The following GPNMB variants were observed in gnomAD, a reference collection of about 807,000 sequenced individuals.
GPNMB encodes the protein transmembrane glycoprotein NMB.
In GPNMB, 71 loss-of-function variants were observed where a neutral mutation model predicts 57.3. The observed-to-expected ratio is 1.24, with a 90% CI of 1.02 to 1.51. The LOEUF is 1.51. Among genes scored for constraint, GPNMB ranks in the 40% most tolerant of loss-of-function variants. The probability of loss-of-function intolerance (pLI) is 0.00; values close to 1 mark genes in which losing one functional copy is unlikely to be tolerated. For synonymous variants in GPNMB, 253 were observed against 263.2 expected (o/e 0.96, Z 0.38); for missense variants, 677 against 691.9 (o/e 0.98, Z 0.24).
chr7:23,262,817 G>A (rs1208770948), intron 6 of GPNMB, among the ~76,000 whole-genome samples: 4 of 151,500 alleles, frequency 2.6e-5, no homozygotes, highest in South Asian at 2.1e-4. Context: ...ATGGGGTTTC[G>A]CCGTGTTGCC....
chr7:23,267,570 C>T (rs544077732), intron 7 of GPNMB, among the ~76,000 whole-genome samples: 13 of 152,262 alleles, frequency 8.5e-5, no homozygotes, highest in East Asian at 3.9e-4. Flanking sequence ...CCAGCACATT[C>T]GGTGGCTGGT....
intron 4 of GPNMB, among the ~76,000 whole-genome samples, chr7:23,259,450 G>A (rs1782859681): frequency 1.3e-5 from 2 of 152,090 alleles, no homozygotes; most frequent in Non-Finnish European, 2.9e-5. Context: ...CCAAAATGCT[G>A]GGATTACAGG....
At chr7:23,257,086 A>G (rs761151925) in intron 4 of GPNMB, 21 bp downstream of exon 4, 2 of 1,598,926 alleles carry the variant, frequency 1.3e-6, no homozygotes, top group Non-Finnish European at 1.7e-6. Flanking sequence ...ACAAACCCCT[A>G]AGCTTCTTCT....
intron 9 of GPNMB, among the ~76,000 whole-genome samples, chr7:23,272,043 G>A (rs1783220070): frequency 6.6e-6 from 1 of 152,152 alleles, no homozygotes; most frequent in South Asian, 2.1e-4. Flanking sequence ...GGAGAGCCGG[G>A]GAGGGTGGGA....
In GPNMB at chr7:23,247,014, G is replaced by A. The variant is rs1038803812; in HGVS notation, c.70+87G>A. On this transcript the variant is annotated intron_variant, in intron 1 of 10. Transcript: ENST00000258733. ...AATAATATCCTCTGAACTAGAGGTT[G>A]GACTGAAGTTCTTCAGGAAGCTTTC... is the stretch of plus-strand genomic sequence containing the variant. 11 of 976,606 alleles carry A rather than the reference G, an allele frequency of 1.1e-5. No individual in the cohort carries two copies. In the South Asian group the frequency reaches 1.3e-4, roughly 11 times the overall value. 60.5% of individuals were successfully genotyped at this position (976,606 alleles called of 1,614,324 possible).
At chr7:23,254,511 C>T (rs1472675513) in intron 3 of GPNMB, among the ~76,000 whole-genome samples, 199 bp downstream of exon 3, 1 of 152,222 alleles carries the variant, frequency 6.6e-6, no homozygotes, top group Admixed American at 6.5e-5. Context: ...CTGCAGCAAA[C>T]CAGTGGCTCT....
In GPNMB at chr7:23,260,678, C is replaced by T; in HGVS notation, c.923C>T (p.Thr308Ile). Residue 308 changes from threonine to isoleucine, a missense_variant, in exon 6 of 11, where the codon ACC becomes ATC. Coordinates refer to ENST00000258733, the MANE Select transcript of GPNMB (RefSeq NM_002510.3). ...TVNHTYVLNG[T>I]FSLNLTVKAA... is the part of the protein sequence containing the mutation. ...AATCACACGTATGTGCTCAATGGAACCTTCAGCCTTAACCTCACTGTGAAA... is the reference window on the plus strand; with the variant it reads ...AATCACACGTATGTGCTCAATGGAATCTTCAGCCTTAACCTCACTGTGAAA... 2 of 1,613,842 alleles carry T rather than the reference C, an allele frequency of 1.2e-6. No homozygotes were observed. The highest frequency in any genetic ancestry group is 2.2e-5 in the East Asian group (1 of 44,880).
intron 1 of GPNMB, among the ~76,000 whole-genome samples, chr7:23,248,264 C>G (rs1193426434): frequency 6.6e-6 from 1 of 152,148 alleles, no homozygotes; most frequent in Non-Finnish European, 1.5e-5. Flanking sequence ...CAGGATACCT[C>G]CCAGGACAGG....
rs190411666 is a variant in GPNMB, at chr7:23,268,429, T to A, written c.1220+441T>A. ...GAGTGCTCTTAAGCTCCCAGGTAGT[T>A]GTCTATGCTAACATTAATAGCAACG... On this transcript the variant is annotated intron_variant, in intron 8 of 10. Coordinates refer to ENST00000258733, the MANE Select transcript of GPNMB (RefSeq NM_002510.3). Among the ~76,000 whole-genome samples the A allele has an allele frequency of 2.0e-4, 31 of 152,312 alleles. 1 individual carries two copies. The highest frequency in any genetic ancestry group is 5.1e-4 in the African/African-American group (21 of 41,568).
intron 6 of GPNMB, among the ~76,000 whole-genome samples, chr7:23,262,250 T>A (rs1156472240): frequency 6.6e-6 from 1 of 152,238 alleles, no homozygotes; most frequent in Non-Finnish European, 1.5e-5. Context: ...AGTTTATGCA[T>A]GTTCCTTAGT....
chr7:23,253,315 G>T lies in GPNMB; in HGVS notation c.79G>T (p.Asp27Tyr). 6.2e-7 allele frequency: 1 copy of T among 1,612,912 alleles called. No homozygotes were observed. Residue 27 changes from aspartate (D) to tyrosine (Y), a missense_variant, in exon 2 of 11, where the codon GAT becomes TAT. Physicochemically the swap from Asp to Tyr is radical, Grantham distance 160. Transcript: ENST00000258733. ...LPLDAAKRFH[D>Y]VLGNERPSAY... Reference sequence around the variant, plus strand: ...TTCGAATATTGATACAGGATTTCATGATGTGCTGGGCAATGAAAGACCTTC... The same window carrying T: ...TTCGAATATTGATACAGGATTTCATTATGTGCTGGGCAATGAAAGACCTTC...
At chr7:23,255,063 G>T (rs1382486153) in intron 3 of GPNMB, among the ~76,000 whole-genome samples, 2 of 152,174 alleles carry the variant, frequency 1.3e-5, no homozygotes, top group Non-Finnish European at 2.9e-5. Context: ...TTGTCACCCA[G>T]GCTGGAGTGC....
intron 8 of GPNMB, among the ~76,000 whole-genome samples, chr7:23,269,294 G>A (rs879887546): frequency 2.6e-5 from 4 of 152,102 alleles, no homozygotes; most frequent in African/African-American, 9.7e-5. Context: ...GCTGAAGCAG[G>A]AGAATCTCTT....
intron 10 of GPNMB, 193 bp from the exon 11 acceptor site, chr7:23,273,872 A>G: frequency 1.7e-6 from 1 of 588,546 alleles, no homozygotes. Context: ...GTCTCAAATT[A>G]TAGTAAGCAG....
intron 6 of GPNMB, among the ~76,000 whole-genome samples, chr7:23,264,049 T>C (rs1380490255): frequency 6.6e-6 from 1 of 151,522 alleles, no homozygotes; most frequent in African/African-American, 2.4e-5. Flanking sequence ...TTCTCTTCAC[T>C]TAGCTAACAG....
At chr7:23,269,500 T>C (rs156425) in intron 8 of GPNMB, among the ~76,000 whole-genome samples, 72,516 of 152,094 alleles carry the variant, frequency 0.48, 18,691 homozygotes, top group African/African-American at 0.7. Flanking sequence ...ATAAATAAAA[T>C]TCAGTGCCCG....
chr7:23,250,710 A>G (rs1782641618), intron 1 of GPNMB: 1 of 152,198 alleles, frequency 6.6e-6, no homozygotes, highest in Non-Finnish European at 1.5e-5. Context: ...TAAAATCGGA[A>G]GAGAAATCTG....
chr7:23,268,069 AC>A (rs1339752951), intron 8 of GPNMB, 81 bp downstream of exon 8: 2 of 821,328 alleles, frequency 2.4e-6, no homozygotes, highest in East Asian at 2.5e-5. Context: ...ACCACCAGTT[AC>A]CCCTTTTAAG....
At chr7:23,263,441 G>A (rs1418111766) in intron 6 of GPNMB, among the ~76,000 whole-genome samples, 6 of 151,800 alleles carry the variant, frequency 4.0e-5, no homozygotes, top group Non-Finnish European at 5.9e-5. Flanking sequence ...GTGAAACCCC[G>A]TCTCTACCGA....
Sources: gnomAD v4.1 joint callset for allele counts (sites outside exome capture counted in the v4.1 genomes callset) on GRCh38, gnomAD v4.1.1 for gene constraint, MANE v1.5 for transcripts, NCBI Gene and HGNC (gene_info 2026-07-23, HGNC 2026-07-21) for gene names.